SPIDR: variants seen among roughly 807,000 people sequenced by gnomAD.
SPIDR encodes scaffold protein involved in DNA repair.
SPIDR carries 93 observed loss-of-function variants against 104.6 expected under a neutral mutation model. The observed-to-expected ratio is 0.89, with a 90% confidence interval of 0.75 to 1.06. The LOEUF is 1.06. Among genes scored for constraint, SPIDR ranks in the 50% least tolerant of loss-of-function variants. The pLI, the probability that SPIDR is intolerant of heterozygous loss-of-function variation, is 0.00. For missense variants in SPIDR, 1,154 were observed against 1,111.2 expected (o/e 1.04, Z -0.55); for synonymous variants, 431 against 416.9 (o/e 1.03, Z -0.41).
intron 5 of SPIDR, among the ~76,000 whole-genome samples, chr8:47,368,343 C>CAAAAAAAAAAA (rs34106189): frequency 2.0e-5 from 1 of 49,422 alleles, no homozygotes; most frequent in Non-Finnish European, 3.2e-5. Flanking sequence ...GTTGAGAAGT[C>CAAAAAAAAAAA]AAAAAAAAAA....
intron 7 of SPIDR, among the ~76,000 whole-genome samples, chr8:47,438,537 A>G (rs1554694046): frequency 6.6e-6 from 1 of 152,198 alleles, no homozygotes; most frequent in Admixed American, 6.5e-5. Flanking sequence ...TCATTAACAA[A>G]ATGCCTGTTG....
At chr8:47,322,024 C>T (rs562972657) in intron 5 of SPIDR, among the ~76,000 whole-genome samples, 2 of 152,278 alleles carry the variant, frequency 1.3e-5, no homozygotes, top group African/African-American at 2.4e-5. Flanking sequence ...CCATTCAGGA[C>T]ATGGGCATGG....
intron 2 of SPIDR, among the ~76,000 whole-genome samples, chr8:47,282,382 T>G (rs1488934711): frequency 1.3e-5 from 2 of 152,398 alleles, no homozygotes; most frequent in African/African-American, 4.8e-5. Context: ...CTCTTTCATC[T>G]ATATTGAAAG....
intron 17 of SPIDR, chr8:47,728,611 G>C (rs2084687199): frequency 3.8e-6 from 1 of 260,642 alleles, no homozygotes; most frequent in South Asian, 5.2e-5. Flanking sequence ...GCTGAGAGCA[G>C]ACTTTCTCTT....
intron 10 of SPIDR, among the ~76,000 whole-genome samples, chr8:47,607,012 C>T (rs1293580062): frequency 1.3e-5 from 2 of 152,228 alleles, no homozygotes; most frequent in Non-Finnish European, 2.9e-5. Flanking sequence ...TGTACCACCA[C>T]ATACTGCCAG....
intron 1 of SPIDR, among the ~76,000 whole-genome samples, chr8:47,275,924 A>G (rs2036334207): frequency 6.6e-6 from 1 of 152,110 alleles, no homozygotes; most frequent in African/African-American, 2.4e-5. Context: ...TGGTGCGATC[A>G]CAGCTCACTG....
rs537120061 is a variant in SPIDR, at chr8:47,326,267, A to G, written c.525+32237A>G. Among the ~76,000 whole-genome samples the G allele has an allele frequency of 2.0e-5, 3 of 152,256 alleles. No homozygotes were observed. In the South Asian group the frequency reaches 6.2e-4, roughly 32 times the overall value. Reference sequence around the variant, plus strand: ...TGAGCTCAAGCCATCTGCCTGTCTCAGCCTCCCAAAGTGCTGGGATTTCAG... The same window carrying G: ...TGAGCTCAAGCCATCTGCCTGTCTCGGCCTCCCAAAGTGCTGGGATTTCAG... On this transcript the variant is annotated intron_variant, in intron 5 of 19. Transcript: ENST00000297423.
chr8:47,668,803 A>C (rs1011342026), intron 10 of SPIDR, among the ~76,000 whole-genome samples: 6 of 152,226 alleles, frequency 3.9e-5, no homozygotes, highest in African/African-American at 1.4e-4. Flanking sequence ...GTATTTCTAC[A>C]CACCAGCAAC....
In SPIDR at chr8:47,735,788, T is replaced by C. The variant is rs2086189675; in HGVS notation, c.*338T>C. 2.0e-6 allele frequency: 1 copy of C among 489,976 alleles called. No homozygotes were observed. The highest frequency in any genetic ancestry group is 1.9e-5 in the African/African-American group (1 of 51,690). 30.4% of individuals were successfully genotyped at this position (489,976 alleles called of 1,614,324 possible). A position where few individuals can be genotyped will look rare whatever the true frequency, so the allele number is the denominator to read the frequency against. On this transcript the variant is annotated 3_prime_UTR_variant, in exon 20 of 20. Coordinates refer to ENST00000297423, the MANE Select transcript of SPIDR (RefSeq NM_001080394.4). Reference sequence around the variant, plus strand: ...ATTTGTAATTTTAACAAGTTGAACATTTTACCATGATTGAACATGTTTTTA... The same window carrying C: ...ATTTGTAATTTTAACAAGTTGAACACTTTACCATGATTGAACATGTTTTTA...
At chr8:47,557,091 A>G (rs1051684859) in intron 8 of SPIDR, among the ~76,000 whole-genome samples, 5 of 152,104 alleles carry the variant, frequency 3.3e-5, no homozygotes, top group African/African-American at 9.7e-5. Context: ...CCAGCCCCCA[A>G]AAGTCTGTTT....
In SPIDR at chr8:47,564,072, CTTTTTTTTT is replaced by C. The variant is rs869220760; in HGVS notation, c.1098-31722_1098-31714del. On this transcript the variant is annotated intron_variant, in intron 8 of 19. Transcript: ENST00000297423. ...TAAATATTTGCTTCTTTTTTCTTTT[CTTTTTTTTT>C]TTTTTTTTTTTTTTTTGAGGCGGAG... is the stretch of plus-strand genomic sequence containing the variant. Among the ~76,000 whole-genome samples, 6 of 76,832 alleles carry C rather than the reference CTTTTTTTTT, an allele frequency of 7.8e-5. No homozygotes were observed. The South Asian group carries it at 2.8e-3, about 35-fold the overall frequency. 50.4% of individuals were successfully genotyped at this position (76,832 alleles called of 152,430 possible).
chr8:47,661,096 G>A (rs1199947948), intron 10 of SPIDR: 10 of 296,352 alleles, frequency 3.4e-5, no homozygotes, highest in Non-Finnish European at 5.0e-5. Flanking sequence ...GGGGGTTATT[G>A]GGGTGTGTCT....
chr8:47,490,009 A>T (rs1260569556), intron 8 of SPIDR, among the ~76,000 whole-genome samples: 1 of 152,214 alleles, frequency 6.6e-6, no homozygotes, highest in African/African-American at 2.4e-5. Context: ...AATGGGGTCT[A>T]ATTAAACTAA....
At chr8:47,423,213 G>A (rs955806229) in intron 7 of SPIDR, among the ~76,000 whole-genome samples, 5 of 151,600 alleles carry the variant, frequency 3.3e-5, no homozygotes, top group East Asian at 2.0e-4. Flanking sequence ...CAGGAGAATC[G>A]CTTGAACTGG....
At chr8:47,696,899 C>G (rs974582490) in intron 11 of SPIDR, among the ~76,000 whole-genome samples, 5 of 152,186 alleles carry the variant, frequency 3.3e-5, no homozygotes, top group South Asian at 2.1e-4. Flanking sequence ...GCCAGCTTTC[C>G]TCTGAGCAAA....
rs564206398 is a variant in SPIDR, at chr8:47,497,552, G to A, written c.1097+57010G>A. On this transcript the variant is annotated intron_variant, in intron 8 of 19. Transcript: ENST00000297423. ...TGTTGATTTCAAATTTCATTTCGCCGTGGTCAAATAAGATACCTTGCATGA... is the reference window on the plus strand; with the variant it reads ...TGTTGATTTCAAATTTCATTTCGCCATGGTCAAATAAGATACCTTGCATGA... Among the ~76,000 whole-genome samples the A allele has an allele frequency of 2.2e-4, 34 of 152,170 alleles. No individual in the cohort carries two copies. The Middle Eastern group carries it at 0.01, about 46-fold the overall frequency.
intron 5 of SPIDR, among the ~76,000 whole-genome samples, chr8:47,301,247 T>C (rs1446972126): frequency 6.6e-6 from 1 of 152,240 alleles, no homozygotes; most frequent in Non-Finnish European, 1.5e-5. Context: ...AAGTCTGTTT[T>C]ATCAGAGACT....
At chr8:47,400,960 C>T (rs1315669414) in intron 6 of SPIDR, among the ~76,000 whole-genome samples, 1 of 152,064 alleles carries the variant, frequency 6.6e-6, no homozygotes, top group Admixed American at 6.6e-5. Context: ...GGCAGGCCAA[C>T]ATTCAAATTC....
chr8:47,354,116 T>C (rs2054069809), intron 5 of SPIDR, among the ~76,000 whole-genome samples: 1 of 152,218 alleles, frequency 6.6e-6, no homozygotes, highest in South Asian at 2.1e-4. Context: ...GTATTGACTC[T>C]GCTGTATCAT....
Sources: allele counts gnomAD v4.1 joint callset (sites outside exome capture counted in the v4.1 genomes callset), GRCh38; gene constraint gnomAD v4.1.1; transcripts MANE v1.5; gene names NCBI Gene and HGNC (gene_info 2026-07-23, HGNC 2026-07-21).